TAFA1: variants seen among roughly 807,000 people sequenced by gnomAD.
The protein encoded by TAFA1 is TAFA chemokine like family member 1.
A neutral mutation model predicts 18.5 loss-of-function variants in TAFA1; 4 were observed. The observed-to-expected ratio is 0.22, with a 90% CI of 0.11 to 0.49. The LOEUF (loss-of-function observed/expected upper bound fraction) is 0.49, where lower values mean the gene tolerates loss of function less well. Ranked by LOEUF, TAFA1 falls within the 20% of genes least tolerant of loss-of-function variation. TAFA1 has a pLI of 0.98. For missense variants in TAFA1, 147 were observed against 169.0 expected, an observed-to-expected ratio of 0.87 and a Z score of 0.72; for synonymous variants, 56 against 55.2, an observed-to-expected ratio of 1.01 and a Z score of -0.06.
At chr3:68,135,134 G>A (rs1471479186) in intron 2 of TAFA1, among the ~76,000 whole-genome samples, 1 of 152,158 alleles carries the variant, frequency 6.6e-6, no homozygotes, top group Admixed American at 6.5e-5. Flanking sequence ...TTTCAGCCAA[G>A]TAAGACTCTT....
intron 2 of TAFA1, among the ~76,000 whole-genome samples, chr3:68,074,070 A>G (rs114444390): frequency 0.026 from 3,984 of 152,274 alleles, 186 homozygotes; most frequent in African/African-American, 0.09. Flanking sequence ...AGACAGTCCC[A>G]TCTGCGGGTG....
intron 2 of TAFA1, among the ~76,000 whole-genome samples, chr3:68,206,259 G>C (rs2066524971): frequency 6.6e-6 from 1 of 151,706 alleles, no homozygotes; most frequent in Non-Finnish European, 1.5e-5. Flanking sequence ...TATCAATGTA[G>C]ACAATCTGAT....
intron 2 of TAFA1, among the ~76,000 whole-genome samples, chr3:68,031,825 C>G (rs1463706529): frequency 1.3e-5 from 2 of 152,024 alleles, no homozygotes; most frequent in East Asian, 3.9e-4. Flanking sequence ...TTATTTTTTC[C>G]GTGGCTTCAT....
rs183486845 is a variant in TAFA1, at chr3:68,178,170, C to G, written c.118+171426C>G. Reference sequence around the variant, plus strand: ...CCCTCCCCAAAAAAAAATACATGACCCTGCAAAGCACCATACCTGGTATAT... The same window carrying G: ...CCCTCCCCAAAAAAAAATACATGACGCTGCAAAGCACCATACCTGGTATAT... On this transcript the variant is annotated intron_variant, in intron 2 of 4. Transcript: ENST00000478136. Among the ~76,000 whole-genome samples the G allele has an allele frequency of 5.3e-4, 81 of 152,044 alleles. 1 individual carries two copies. The highest frequency in any genetic ancestry group is 7.6e-4 in the Non-Finnish European group (52 of 67,974).
chr3:68,003,680 A>T (rs1704311912), upstream of TAFA1, among the ~76,000 whole-genome samples: 3 of 151,878 alleles, frequency 2.0e-5, 1 homozygote, highest in South Asian at 6.3e-4. Context: ...TTCCCTCCCC[A>T]CCCCAGCATG....
rs745365242 is a variant in TAFA1 at position 68,485,121 on chromosome 3, C to T, written c.260-53635C>T. 4.6e-5 allele frequency among the ~76,000 whole-genome samples: 7 copies of T among 152,068 alleles called. No individual in the cohort carries two copies. The East Asian group carries it at 5.8e-4, about 13-fold the overall frequency. On this transcript the variant is annotated intron_variant, in intron 3 of 4. Transcript: ENST00000478136. ...GGGTTGCAGTCTCCAGCCTCTGGGG[C>T]CTCTAATCCACCCAGAACAAATAAC...
intron 2 of TAFA1, among the ~76,000 whole-genome samples, chr3:68,021,293 C>T (rs1439013927): frequency 6.8e-6 from 1 of 147,042 alleles, no homozygotes; most frequent in Admixed American, 6.9e-5. Context: ...TGACCAATAA[C>T]TCATTAAAGG....
intron 2 of TAFA1, among the ~76,000 whole-genome samples, chr3:68,122,330 C>A (rs943026633): frequency 6.6e-6 from 1 of 152,132 alleles, no homozygotes; most frequent in African/African-American, 2.4e-5. Context: ...GTGACCCCTG[C>A]AATGTACAAA....
rs560828840 is a variant in TAFA1, at chr3:68,521,753, G to A, written c.260-17003G>A. The stretch of plus-strand genomic sequence containing the variant: ...AATGACACAGAACTCATAAGGGATA[G>A]GGAAGGAAAAAACCTATAGACAGTT... On this transcript the variant is annotated intron_variant, in intron 3 of 4. Coordinates refer to ENST00000478136, the MANE Select transcript of TAFA1 (RefSeq NM_213609.4). Among the ~76,000 whole-genome samples the A allele has an allele frequency of 2.6e-5, 4 of 151,612 alleles. No individual in the cohort carries two copies. The South Asian group carries it at 6.2e-4, about 24-fold the overall frequency.
intron 2 of TAFA1, among the ~76,000 whole-genome samples, chr3:68,173,070 C>T (rs909456921): frequency 6.6e-6 from 1 of 151,788 alleles, no homozygotes; most frequent in Non-Finnish European, 1.5e-5. Context: ...AGCTAAAGAG[C>T]TATAGTCCTT....
At chr3:68,085,111 C>A (rs909005767) in intron 2 of TAFA1, among the ~76,000 whole-genome samples, 1 of 152,168 alleles carries the variant, frequency 6.6e-6, no homozygotes, top group Non-Finnish European at 1.5e-5. Flanking sequence ...AATAGGATTT[C>A]TCACCTACTG....
chr3:68,179,198 T>C (rs1481190389), intron 2 of TAFA1, among the ~76,000 whole-genome samples: 1 of 152,204 alleles, frequency 6.6e-6, no homozygotes, highest in Non-Finnish European at 1.5e-5. Flanking sequence ...TGTCAACTCA[T>C]CTTCCCTGAA....
At position 68,207,821 on chromosome 3, in the gene TAFA1, G is replaced by T. The variant is rs549195180; in HGVS notation, c.118+201077G>T. 7.2e-5 allele frequency among the ~76,000 whole-genome samples: 11 copies of T among 152,048 alleles called. 1 individual carries two copies. The highest frequency in any genetic ancestry group is 7.2e-4 in the Admixed American group (11 of 15,252). On this transcript the variant is annotated intron_variant, in intron 2 of 4. Coordinates refer to ENST00000478136, the MANE Select transcript of TAFA1 (RefSeq NM_213609.4). ...ACAACTCTAGAAATTAGATGCCCTTGTTATTCCCATTTTTTGAAAGAGAAA... is the reference window on the plus strand; with the variant it reads ...ACAACTCTAGAAATTAGATGCCCTTTTTATTCCCATTTTTTGAAAGAGAAA...
intron 3 of TAFA1, among the ~76,000 whole-genome samples, chr3:68,511,310 C>T (rs1414423922): frequency 1.3e-5 from 2 of 152,108 alleles, no homozygotes; most frequent in Non-Finnish European, 2.9e-5. Context: ...TGTGCAAATA[C>T]TACTATTAGC....
In TAFA1 at chr3:68,274,713, C is replaced by T. The variant is rs73836836; in HGVS notation, c.119-142567C>T. ...TGGTGTTTGTTCCCCCGCCCCGCCCCCGCCCACATGTAACTGTGTGGTGGG... is the reference window on the plus strand; with the variant it reads ...TGGTGTTTGTTCCCCCGCCCCGCCCTCGCCCACATGTAACTGTGTGGTGGG... On this transcript the variant is annotated intron_variant, in intron 2 of 4. Coordinates refer to ENST00000478136, the MANE Select transcript of TAFA1 (RefSeq NM_213609.4). Among the ~76,000 whole-genome samples the T allele has an allele frequency of 6.5e-3, 988 of 152,250 alleles. 12 individuals carry two copies. The highest frequency in any genetic ancestry group is 0.022 in the African/African-American group (905 of 41,550).
intron 4 of TAFA1, among the ~76,000 whole-genome samples, chr3:68,540,252 G>T (rs144360395): frequency 6.6e-6 from 1 of 151,402 alleles, no homozygotes; most frequent in Non-Finnish European, 1.5e-5. Context: ...ATACATTTCC[G>T]GCTTGCGACC....
chr3:68,051,218 G>T (rs1373824451), intron 2 of TAFA1, among the ~76,000 whole-genome samples: 3 of 152,240 alleles, frequency 2.0e-5, no homozygotes, highest in Admixed American at 1.3e-4. Context: ...CAGAAGAAGT[G>T]AATAAATGTT....
chr3:68,189,575 A>G (rs1396238855), intron 2 of TAFA1, among the ~76,000 whole-genome samples: 1 of 151,758 alleles, frequency 6.6e-6, no homozygotes, highest in East Asian at 2.0e-4. Context: ...TTAGAAGTTC[A>G]CACCCTGGGC....
At chr3:68,191,585 G>C (rs1251453930) in intron 2 of TAFA1, among the ~76,000 whole-genome samples, 1 of 151,718 alleles carries the variant, frequency 6.6e-6, no homozygotes, top group Admixed American at 6.6e-5. Context: ...AATGCTTATG[G>C]ATAGGTCAAA....
Sources: gnomAD v4.1 joint callset for allele counts (sites outside exome capture counted in the v4.1 genomes callset) on GRCh38, gnomAD v4.1.1 for gene constraint, MANE v1.5 for transcripts, NCBI Gene and HGNC (gene_info 2026-07-23, HGNC 2026-07-21) for gene names.